CLYBL: variants seen among roughly 807,000 people sequenced by gnomAD.
The protein encoded by CLYBL is citramalyl-CoA lyase, also known as citramalyl-CoA lyase, mitochondrial.
A neutral mutation model predicts 38.9 loss-of-function variants in CLYBL; 31 were observed. The observed-to-expected ratio is 0.80, with a 90% CI of 0.60 to 1.08. The LOEUF is 1.08. Among genes scored for constraint, CLYBL ranks in the 50% least tolerant of loss-of-function variants. CLYBL has a pLI of 0.00. For missense variants in CLYBL, 434 were observed against 411.6 expected (o/e 1.05, Z -0.47); for synonymous variants, 171 against 158.6 (o/e 1.08, Z -0.59).
intron 1 of CLYBL, among the ~76,000 whole-genome samples, chr13:99,632,293 A>G (rs537041400): frequency 1.3e-5 from 2 of 152,344 alleles, no homozygotes; most frequent in East Asian, 3.9e-4. Flanking sequence ...AAACTAAGCA[A>G]AGATCTTGGC....
intron 1 of CLYBL, among the ~76,000 whole-genome samples, chr13:99,617,027 A>G (rs1389153488): frequency 6.6e-6 from 1 of 152,098 alleles, no homozygotes; most frequent in Non-Finnish European, 1.5e-5. Flanking sequence ...TAAGGTTTCT[A>G]TTTTAATAGA....
chr13:99,642,320 A>G (rs923692205), intron 1 of CLYBL, among the ~76,000 whole-genome samples: 8 of 152,328 alleles, frequency 5.3e-5, no homozygotes, highest in Middle Eastern at 3.4e-3. Flanking sequence ...AGCTGGTTGT[A>G]GGAGGGCTGG....
chr13:99,781,532 G>A (rs961396312), intron 2 of CLYBL, among the ~76,000 whole-genome samples: 2 of 152,104 alleles, frequency 1.3e-5, no homozygotes, highest in Non-Finnish European at 2.9e-5. Context: ...CTGGAGTGCA[G>A]TGGCATGATC....
intron 1 of CLYBL, among the ~76,000 whole-genome samples, chr13:99,660,602 C>T (rs1189973095): frequency 6.6e-6 from 1 of 152,100 alleles, no homozygotes; most frequent in African/African-American, 2.4e-5. Flanking sequence ...TCACTAACTC[C>T]CCCAATTCTA....
chr13:99,608,847 CTTTTTTTTTTTTTTTTTTT>C (rs57961216), intron 1 of CLYBL, among the ~76,000 whole-genome samples: 5 of 87,882 alleles, frequency 5.7e-5, no homozygotes, highest in Non-Finnish European at 1.0e-4. Flanking sequence ...AGTGATGAGT[CTTTTTTTTTTTTTTTTTTT>C]TTTTTTTTTT....
At chr13:99,660,557 G>A (rs1459777162) in intron 1 of CLYBL, among the ~76,000 whole-genome samples, 1 of 152,050 alleles carries the variant, frequency 6.6e-6, no homozygotes, top group Non-Finnish European at 1.5e-5. Context: ...TCATATTAAC[G>A]TCTGTGTTTG....
intron 1 of CLYBL, among the ~76,000 whole-genome samples, chr13:99,755,493 C>G (rs776055891): frequency 4.6e-5 from 7 of 152,160 alleles, no homozygotes; most frequent in African/African-American, 7.2e-5. Context: ...CTGTTGCTGT[C>G]TGTCACCCAA....
rs549696137 is a variant in CLYBL at position 99,871,174 on chromosome 13, G to C, written c.927+112G>C. ...AAGAAAACTCATCGTATCTGGAGAG[G>C]GGGGAAAGGGAGGGAACACAACATT... is the stretch of plus-strand genomic sequence containing the variant. On this transcript the variant is annotated intron_variant, in intron 7 of 8. Coordinates refer to ENST00000339105, the MANE Select transcript of CLYBL (RefSeq NM_206808.5). The C allele has an allele frequency of 2.5e-5, 31 of 1,239,726 alleles. 1 individual carries two copies. The highest frequency in any genetic ancestry group is 1.4e-4 in the South Asian group (11 of 78,032). 76.8% of individuals were successfully genotyped at this position (1,239,726 alleles called of 1,614,324 possible).
intron 2 of CLYBL, among the ~76,000 whole-genome samples, chr13:99,838,886 G>A (rs553391653): frequency 5.9e-4 from 90 of 152,258 alleles, no homozygotes; most frequent in African/African-American, 1.6e-3. Context: ...TGATCCACCC[G>A]CCTCGGCCTC....
chr13:99,859,163 G>T, intron 3 of CLYBL, 114 bp downstream of exon 3: 11 of 692,410 alleles, frequency 1.6e-5, no homozygotes, highest in South Asian at 5.6e-5. Flanking sequence ...AGAGAGGAAG[G>T]GAATTGAGAA....
At chr13:99,906,731 CTTA>C (rs2052702314) in intron 9 of CLYBL, among the ~76,000 whole-genome samples, 1 of 152,112 alleles carries the variant, frequency 6.6e-6, no homozygotes, top group African/African-American at 2.4e-5. Flanking sequence ...GCCTTGAGTT[CTTA>C]TTATTACAAG....
intron 1 of CLYBL, among the ~76,000 whole-genome samples, chr13:99,756,444 A>C (rs539498234): frequency 2.0e-4 from 30 of 152,334 alleles, no homozygotes; most frequent in African/African-American, 6.7e-4. Flanking sequence ...GGGACTCACC[A>C]TAAGAGTGAT....
At chr13:99,788,886 A>G (rs1437537723) in intron 2 of CLYBL, among the ~76,000 whole-genome samples, 1 of 152,014 alleles carries the variant, frequency 6.6e-6, no homozygotes, top group African/African-American at 2.4e-5. Context: ...AGAGCCTGTT[A>G]TTGGTCTATT....
At chr13:99,858,768 G>T (rs2051521222) in intron 2 of CLYBL, 93 bp from the exon 3 acceptor site, 1 of 820,008 alleles carries the variant, frequency 1.2e-6, no homozygotes, top group South Asian at 1.9e-5. Flanking sequence ...ATGGTGCTCA[G>T]ACTCTGAATC....
chr13:99,847,271 C>T (rs1385840438), intron 2 of CLYBL, among the ~76,000 whole-genome samples: 1 of 152,138 alleles, frequency 6.6e-6, no homozygotes, highest in Non-Finnish European at 1.5e-5. Context: ...TTCATGGCAC[C>T]TTTGGAAAAA....
intron 1 of CLYBL, among the ~76,000 whole-genome samples, chr13:99,622,868 G>A (rs1417920596): frequency 3.3e-5 from 5 of 152,110 alleles, no homozygotes; most frequent in Admixed American, 3.3e-4. Flanking sequence ...TAGTGGCACC[G>A]TCACCCAGGC....
intron 9 of CLYBL, among the ~76,000 whole-genome samples, chr13:99,907,836 A>G (rs2052712134): frequency 6.6e-6 from 1 of 152,214 alleles, no homozygotes; most frequent in African/African-American, 2.4e-5. Flanking sequence ...CTCAAAAACA[A>G]TTAAAAAGAC....
intron 7 of CLYBL, among the ~76,000 whole-genome samples, chr13:99,874,509 T>C (rs1284331444): frequency 6.6e-6 from 1 of 152,126 alleles, no homozygotes; most frequent in Non-Finnish European, 1.5e-5. Context: ...GAATTTAATA[T>C]GCTTATTAAA....
At chr13:99,842,928 G>A (rs1246191718) in intron 2 of CLYBL, among the ~76,000 whole-genome samples, 3 of 150,688 alleles carry the variant, frequency 2.0e-5, no homozygotes, top group East Asian at 4.1e-4. Context: ...TTTGCGGGGG[G>A]AAAAAAAGGC....
Sources: allele counts gnomAD v4.1 joint callset (sites outside exome capture counted in the v4.1 genomes callset), GRCh38; gene constraint gnomAD v4.1.1; transcripts MANE v1.5; gene names NCBI Gene and HGNC (gene_info 2026-07-23, HGNC 2026-07-21).